The following ACAD11 variants were observed in gnomAD, a reference collection of about 807,000 sequenced individuals.
ACAD11 encodes acyl-CoA dehydrogenase family member 11.
ACAD11 carries 83 observed loss-of-function variants against 102.2 expected under a neutral mutation model. The ratio of observed to expected loss-of-function variants is 0.81; its 90% CI spans 0.68 to 0.97. The LOEUF is 0.97. Among genes scored for constraint, ACAD11 ranks in the 50% least tolerant of loss-of-function variants. ACAD11 has a pLI of 0.00. For missense variants in ACAD11, 901 were observed against 951.7 expected, an observed-to-expected ratio of 0.95 and a Z score of 0.70; for synonymous variants, 324 against 319.8, an observed-to-expected ratio of 1.01 and a Z score of -0.14.
chr3:132,591,700 G>T (rs182343345), intron 13 of ACAD11, among the ~76,000 whole-genome samples: 45 of 152,038 alleles, frequency 3.0e-4, no homozygotes, highest in South Asian at 8.3e-4. Context: ...AACCAGCCCG[G>T]GCAACCTAGC....
intron 11 of ACAD11, among the ~76,000 whole-genome samples, chr3:132,609,131 C>A (rs1020970262): frequency 1.3e-5 from 2 of 152,132 alleles, no homozygotes; most frequent in African/African-American, 4.8e-5. Context: ...CTCTGGGACA[C>A]AACTAAAGCA....
intron 11 of ACAD11, among the ~76,000 whole-genome samples, chr3:132,605,430 ACT>A (rs1938799449): frequency 6.6e-6 from 1 of 152,160 alleles, no homozygotes; most frequent in Non-Finnish European, 1.5e-5. Context: ...TGAATCACAG[ACT>A]CTTCTTCAGT....
intron 13 of ACAD11, among the ~76,000 whole-genome samples, chr3:132,587,025 C>G (rs571148979): frequency 1.3e-5 from 2 of 152,114 alleles, no homozygotes; most frequent in East Asian, 1.9e-4. Context: ...ACCCGGGAGG[C>G]AGAGGCTGCA....
intron 13 of ACAD11, among the ~76,000 whole-genome samples, chr3:132,591,805 T>C (rs1938090543): frequency 6.6e-6 from 1 of 152,112 alleles, no homozygotes; most frequent in African/African-American, 2.4e-5. Context: ...ATGGCAGGAC[T>C]GCTTGAGCCC....
intron 13 of ACAD11, among the ~76,000 whole-genome samples, chr3:132,586,645 C>G (rs1404732602): frequency 6.6e-6 from 1 of 152,012 alleles, no homozygotes; most frequent in Non-Finnish European, 1.5e-5. Flanking sequence ...TTTTCTCTAC[C>G]CTTCTGGGCA....
intron 13 of ACAD11, among the ~76,000 whole-genome samples, chr3:132,598,625 G>A (rs1160840792): frequency 2.0e-5 from 3 of 152,166 alleles, no homozygotes; most frequent in Admixed American, 6.5e-5. Context: ...TCGCATCCGC[G>A]TTTATTGAGT....
chr3:132,657,064 TTAAAA>T (rs1171912189), intron 1 of ACAD11, among the ~76,000 whole-genome samples: 2 of 152,190 alleles, frequency 1.3e-5, no homozygotes, highest in African/African-American at 4.8e-5. Flanking sequence ...GCTGTTGTCT[TTAAAA>T]TATTTTCTTC....
At chr3:132,618,904 T>C in intron 10 of ACAD11, 132 bp from the exon 11 acceptor site, 4 of 885,214 alleles carry the variant, frequency 4.5e-6, no homozygotes, top group Non-Finnish European at 4.6e-6. Flanking sequence ...TATTTTACTG[T>C]ATTCTCCAGT....
At chr3:132,582,419 C>A (rs1051734348) in intron 13 of ACAD11, among the ~76,000 whole-genome samples, 9 of 151,192 alleles carry the variant, frequency 6.0e-5, no homozygotes, top group Non-Finnish European at 1.2e-4. Context: ...ATATTTTTTC[C>A]TTTGTTACTA....
At chr3:132,573,096 C>T (rs181056941) in intron 17 of ACAD11, among the ~76,000 whole-genome samples, 1 of 152,142 alleles carries the variant, frequency 6.6e-6, no homozygotes, top group African/African-American at 2.4e-5. Flanking sequence ...CACCCTCCAA[C>T]TGGCCCCGGT....
chr3:132,620,862 TACTAGCTTAAGCAATTCTC>T (rs1939581275), intron 9 of ACAD11, among the ~76,000 whole-genome samples: 1 of 152,186 alleles, frequency 6.6e-6, no homozygotes, highest in South Asian at 2.1e-4. Context: ...CTGTGTCCTT[TACTAGCTTAAGCAATTCTC>T]ACACACTCCA....
At chr3:132,639,301 G>T (rs1024471681) in intron 5 of ACAD11, among the ~76,000 whole-genome samples, 191 bp downstream of exon 5, 1 of 152,166 alleles carries the variant, frequency 6.6e-6, no homozygotes, top group Non-Finnish European at 1.5e-5. Flanking sequence ...CAGTCTCAAA[G>T]GTAGGCAGCT....
chr3:132,633,599 A>T (rs1161454977), intron 5 of ACAD11, among the ~76,000 whole-genome samples: 1 of 152,202 alleles, frequency 6.6e-6, no homozygotes, highest in Non-Finnish European at 1.5e-5. Flanking sequence ...AAAATGAGTT[A>T]GGGAGGATTC....
intron 17 of ACAD11, among the ~76,000 whole-genome samples, chr3:132,572,053 A>G (rs767794120): frequency 3.3e-5 from 5 of 152,344 alleles, no homozygotes; most frequent in Non-Finnish European, 7.3e-5. Context: ...ACAGTATTGG[A>G]AGTCCTGGGC....
chr3:132,562,564 G>A (rs552205637), intron 17 of ACAD11, among the ~76,000 whole-genome samples: 51 of 152,318 alleles, frequency 3.3e-4, no homozygotes, highest in South Asian at 1.7e-3. Flanking sequence ...TACTAGCAGT[G>A]TATGAGAGTT....
In ACAD11 at chr3:132,592,525, G is replaced by T. The variant is rs532390839; in HGVS notation, c.1621+10704C>A. On this transcript the variant is annotated intron_variant, in intron 13 of 19. Coordinates refer to ENST00000264990, the MANE Select transcript of ACAD11 (RefSeq NM_032169.5). ...TTAGTTGATGATTTTTAATTTCTTA[G>T]GCTTTTACCCACAAAATCATTTTCT... 6.6e-5 allele frequency among the ~76,000 whole-genome samples: 10 copies of T among 152,202 alleles called. No homozygotes were observed. In the South Asian group the frequency reaches 1.9e-3, roughly 28 times the overall value.
rs764498211 is a variant in ACAD11, at chr3:132,559,041, T to C, written c.2273A>G (p.Glu758Gly). The change falls in exon 20 of 20, where the codon GAA becomes GGA. Residue 758 changes from glutamate (E) to glycine (G), a missense_variant. Coordinates refer to ENST00000264990, the MANE Select transcript of ACAD11 (RefSeq NM_032169.5). ...TGTTGCGATTGCTGAAAGATGAACT[T>C]CGTCAGGTCCATCTGCTAAACGCAA... Reference protein sequence around the residue: ...RVLRLADGPDEVHLSAIATME... With the variant: ...RVLRLADGPDGVHLSAIATME... 32 of 1,613,724 alleles carry C rather than the reference T, an allele frequency of 2.0e-5. No homozygotes were observed. The South Asian group carries it at 2.9e-4, about 14-fold the overall frequency.
chr3:132,560,704 G>A (rs1269954632), intron 18 of ACAD11, among the ~76,000 whole-genome samples: 1 of 152,054 alleles, frequency 6.6e-6, no homozygotes, highest in Non-Finnish European at 1.5e-5. Context: ...ACTGTACGTG[G>A]CTTCTGCACA....
chr3:132,627,581 G>A (rs1032064343), intron 8 of ACAD11, among the ~76,000 whole-genome samples: 5 of 152,104 alleles, frequency 3.3e-5, no homozygotes, highest in East Asian at 1.9e-4. Context: ...GCTCTCACTC[G>A]TAAGCGGGAG....
Sources: gnomAD v4.1 joint callset for allele counts (sites outside exome capture counted in the v4.1 genomes callset) on GRCh38, gnomAD v4.1.1 for gene constraint, MANE v1.5 for transcripts, NCBI Gene and HGNC (gene_info 2026-07-23, HGNC 2026-07-21) for gene names.